Variants in NECAB1 observed in about 807,000 individuals in gnomAD.
NECAB1 encodes the protein N-terminal EF-hand calcium binding protein 1, also known as N-terminal EF-hand calcium-binding protein 1.
A neutral mutation model predicts 57.5 loss-of-function variants in NECAB1; 29 were observed. The observed-to-expected ratio is 0.50, with a 90% CI of 0.38 to 0.69. The LOEUF (loss-of-function observed/expected upper bound fraction) is 0.69. Ranked by LOEUF, NECAB1 falls within the 30% of genes least tolerant of loss-of-function variation. The probability of loss-of-function intolerance (pLI) is 0.00; values close to 1 mark genes in which losing one functional copy is unlikely to be tolerated. For synonymous variants in NECAB1, 142 were observed against 147.7 expected, an observed-to-expected ratio of 0.96 and a Z score of 0.28; for missense variants, 372 against 413.8, an observed-to-expected ratio of 0.90 and a Z score of 0.88.
In NECAB1 at chr8:90,920,777, TC is replaced by T. The variant is rs962330933; in HGVS notation, c.494+3154del. 4.6e-5 allele frequency among the ~76,000 whole-genome samples: 7 copies of T among 152,270 alleles called. No individual in the cohort carries two copies. The East Asian group carries it at 1.2e-3, about 25-fold the overall frequency. On this transcript the variant is annotated intron_variant, in intron 6 of 12. Coordinates refer to ENST00000417640, the MANE Select transcript of NECAB1 (RefSeq NM_022351.5). The stretch of plus-strand genomic sequence containing the variant: ...TATCTCAGCCCCTTCCTTGTTTATC[TC>T]CCCCATTAGACATTGAGTTTTTAGA...
intron 3 of NECAB1, among the ~76,000 whole-genome samples, chr8:90,838,589 A>G (rs1322786864): frequency 6.6e-6 from 1 of 152,166 alleles, no homozygotes; most frequent in African/African-American, 2.4e-5. Context: ...CCATTCAGAC[A>G]GGCCAGTAAA....
At chr8:90,836,240 C>G (rs1812369429) in intron 3 of NECAB1, among the ~76,000 whole-genome samples, 1 of 152,104 alleles carries the variant, frequency 6.6e-6, no homozygotes. Context: ...AAAAGACGCT[C>G]CAACATTGCT....
chr8:90,920,311 G>GT (rs1254674616), intron 6 of NECAB1, among the ~76,000 whole-genome samples: 1 of 152,106 alleles, frequency 6.6e-6, no homozygotes, highest in African/African-American at 2.4e-5. Context: ...ATTTATGCCC[G>GT]TAATATCTGA....
chr8:90,929,288 G>A (rs1297687786), intron 8 of NECAB1, among the ~76,000 whole-genome samples: 1 of 152,126 alleles, frequency 6.6e-6, no homozygotes, highest in Non-Finnish European at 1.5e-5. Context: ...TGTGTGGCAG[G>A]AAGAGTTCAA....
chr8:90,922,940 G>A (rs1051875547), intron 6 of NECAB1, among the ~76,000 whole-genome samples: 1 of 152,122 alleles, frequency 6.6e-6, no homozygotes, highest in Non-Finnish European at 1.5e-5. Flanking sequence ...GCATTAACCT[G>A]CAAAAATAAG....
chr8:90,936,872 G>C lies in NECAB1; in HGVS notation c.747+2515G>C, dbSNP rs114409959. On this transcript the variant is annotated intron_variant, in intron 9 of 12. Coordinates refer to ENST00000417640, the MANE Select transcript of NECAB1 (RefSeq NM_022351.5). ...TTTAGTACCTGTCATGGAAAGGATC[G>C]TTATACACACAATTCTATTTAGTCC... Among the ~76,000 whole-genome samples, 452 of 151,854 alleles carry C rather than the reference G, an allele frequency of 3.0e-3. 1 individual carries two copies. The highest frequency in any genetic ancestry group is 6.7e-3 in the African/African-American group (277 of 41,392).
intron 5 of NECAB1, among the ~76,000 whole-genome samples, chr8:90,890,977 A>C (rs919037190): frequency 2.6e-5 from 4 of 152,248 alleles, no homozygotes; most frequent in Middle Eastern, 3.2e-3. Flanking sequence ...GTAAATCTGG[A>C]AAGTTATCAT....
At chr8:90,797,855 A>G (rs1013055841) in intron 1 of NECAB1, among the ~76,000 whole-genome samples, 1 of 152,214 alleles carries the variant, frequency 6.6e-6, no homozygotes, top group South Asian at 2.1e-4. Context: ...AAGGAGTGCT[A>G]TCTGGACCCA....
At chr8:90,896,537 G>A (rs1490616568) in intron 5 of NECAB1, among the ~76,000 whole-genome samples, 2 of 151,854 alleles carry the variant, frequency 1.3e-5, no homozygotes, top group African/African-American at 4.8e-5. Context: ...CCCGGGAGGC[G>A]GAGCTTGCAG....
At chr8:90,955,112 T>TTAAATATATATA (rs1234665098) in intron 12 of NECAB1, among the ~76,000 whole-genome samples, 1 of 70,816 alleles carries the variant, frequency 1.4e-5, no homozygotes, top group African/African-American at 4.7e-5. Flanking sequence ...GGTATATAAA[T>TTAAATATATATA]TATATATATA....
chr8:90,918,883 T>C (rs1810039487), intron 6 of NECAB1, among the ~76,000 whole-genome samples: 1 of 151,786 alleles, frequency 6.6e-6, no homozygotes, highest in African/African-American at 2.4e-5. Context: ...TCTCAACCCC[T>C]TCCTTGTTAA....
At chr8:90,856,741 A>G (rs1345291316) in intron 3 of NECAB1, among the ~76,000 whole-genome samples, 1 of 152,216 alleles carries the variant, frequency 6.6e-6, no homozygotes, top group Non-Finnish European at 1.5e-5. Context: ...GTCTGCCAGT[A>G]TCCTTACCTC....
intron 2 of NECAB1, among the ~76,000 whole-genome samples, chr8:90,810,572 G>A (rs1811942265): frequency 6.6e-6 from 1 of 152,164 alleles, no homozygotes; most frequent in South Asian, 2.1e-4. Context: ...TATAGTTAAA[G>A]TCCCAAGGAT....
At chr8:90,918,948 T>C (rs1263326149) in intron 6 of NECAB1, among the ~76,000 whole-genome samples, 1 of 152,188 alleles carries the variant, frequency 6.6e-6, no homozygotes, top group South Asian at 2.1e-4. Context: ...ACAGACTACA[T>C]GAACCTGGAT....
At chr8:90,920,081 G>A (rs1810066429) in intron 6 of NECAB1, among the ~76,000 whole-genome samples, 1 of 152,168 alleles carries the variant, frequency 6.6e-6, no homozygotes, top group Admixed American at 6.5e-5. Context: ...AGGCACTAGA[G>A]GATTAACGAA....
rs937373097 is a variant in NECAB1 at position 90,819,175 on chromosome 8, G to A, written c.125-5542G>A. Among the ~76,000 whole-genome samples the A allele has an allele frequency of 1.6e-4, 24 of 151,418 alleles. 1 individual carries two copies. The highest frequency in any genetic ancestry group is 9.9e-4 in the Admixed American group (15 of 15,182). ...TCATTCTCTGTTAGAATTTTTATCC[G>A]TCTGTTTACATTACCCATCTCTCCT... On this transcript the variant is annotated intron_variant, in intron 2 of 12. Transcript: ENST00000417640.
chr8:90,885,948 A>C (rs2129911721), intron 5 of NECAB1, among the ~76,000 whole-genome samples: 1 of 152,194 alleles, frequency 6.6e-6, no homozygotes, highest in East Asian at 1.9e-4. Context: ...ATGTGAAGAA[A>C]ATATGAAAGA....
intron 10 of NECAB1, among the ~76,000 whole-genome samples, chr8:90,942,280 C>T (rs1255261097): frequency 6.6e-6 from 1 of 152,228 alleles, no homozygotes; most frequent in Non-Finnish European, 1.5e-5. Flanking sequence ...CCACTGAAGA[C>T]GTGAGCTGAA....
At chr8:90,852,320 T>A (rs1586058948) in intron 3 of NECAB1, among the ~76,000 whole-genome samples, 1 of 152,094 alleles carries the variant, frequency 6.6e-6, no homozygotes, top group Non-Finnish European at 1.5e-5. Context: ...CATTATCACA[T>A]CACTTGTAAA....
Sources: allele counts gnomAD v4.1 joint callset (sites outside exome capture counted in the v4.1 genomes callset), GRCh38; gene constraint gnomAD v4.1.1; transcripts MANE v1.5; gene names NCBI Gene and HGNC (gene_info 2026-07-23, HGNC 2026-07-21).